FRMPD4: variants seen among roughly 807,000 people sequenced by gnomAD.
FRMPD4 encodes FERM and PDZ domain containing 4.
A neutral mutation model predicts 94.1 loss-of-function variants in FRMPD4; 22 were observed. That is an observed-to-expected ratio of 0.23 (90% CI 0.17 to 0.33). The LOEUF is 0.33. Ranked by LOEUF, FRMPD4 falls within the 10% of genes least tolerant of loss-of-function variation. The pLI, the probability that FRMPD4 is intolerant of heterozygous loss-of-function variation, is 1.00. For missense variants in FRMPD4, 1,111 were observed against 1,339.9 expected, an observed-to-expected ratio of 0.83 and a Z score of 2.67; for synonymous variants, 631 against 548.6, an observed-to-expected ratio of 1.15 and a Z score of -2.10.
At chrX:12,177,748 G>A (rs1277490644) in intron 1 of FRMPD4, among the ~76,000 whole-genome samples, 1 of 112,036 alleles carries the variant, frequency 8.9e-6, no homozygotes, top group African/African-American at 3.2e-5. Flanking sequence ...GTCACTGGAG[G>A]TATAGCAGTG....
At chrX:12,098,270 AAG>A (rs779688069) in intron 3 of FRMPD4, among the ~76,000 whole-genome samples, 546 of 33,733 alleles carry the variant, frequency 0.016, 3 homozygotes, top group African/African-American at 0.045. Flanking sequence ...CAGAAAGAAA[AAG>A]AAAAAAAAAA....
At chrX:12,357,062 A>G (rs1376438979) in intron 1 of FRMPD4, among the ~76,000 whole-genome samples, 2 of 112,001 alleles carry the variant, frequency 1.8e-5, no homozygotes, top group East Asian at 5.6e-4. Flanking sequence ...CCTAACATCC[A>G]TTTCTCCAAT....
chrX:12,026,206 A>G (rs1461010366), intron 3 of FRMPD4, among the ~76,000 whole-genome samples: 1 of 111,783 alleles, frequency 8.9e-6, no homozygotes, highest in East Asian at 2.8e-4. Context: ...TGAGAGAGAA[A>G]TAAGAGGTCT....
chrX:12,696,586 C>CA (rs57877846), intron 9 of FRMPD4, among the ~76,000 whole-genome samples: 1,679 of 30,034 alleles, frequency 0.056, 62 homozygotes, highest in Non-Finnish European at 0.074. Context: ...AAAAATGAAG[C>CA]AAAAAAAAAA....
chrX:12,688,754 T>C (rs1463706867), intron 7 of FRMPD4, among the ~76,000 whole-genome samples: 1 of 109,048 alleles, frequency 9.2e-6, no homozygotes, highest in Non-Finnish European at 1.9e-5. Flanking sequence ...TCTTTTTTTT[T>C]TTTTTTCTTG....
At chrX:12,360,294 T>C (rs746245482) in intron 1 of FRMPD4, among the ~76,000 whole-genome samples, 1 of 111,974 alleles carries the variant, frequency 8.9e-6, no homozygotes, top group Admixed American at 9.5e-5. Context: ...TTAGGAGGCA[T>C]TGAGACCAAA....
chrX:12,302,040 G>T (rs938036098), intron 1 of FRMPD4, among the ~76,000 whole-genome samples: 3 of 112,158 alleles, frequency 2.7e-5, no homozygotes, highest in Non-Finnish European at 5.6e-5. Context: ...GAAGCAGCTG[G>T]AAAGAAGGAA....
At chrX:12,118,450 A>C (rs1173003816) in intron 3 of FRMPD4, among the ~76,000 whole-genome samples, 2 of 112,582 alleles carry the variant, frequency 1.8e-5, no homozygotes, top group Non-Finnish European at 3.7e-5. Flanking sequence ...GCTGGCTGTT[A>C]ACAAACCTAG....
At chrX:12,166,716 C>T (rs1327468463) in intron 1 of FRMPD4, among the ~76,000 whole-genome samples, 1 of 111,339 alleles carries the variant, frequency 9.0e-6, no homozygotes, top group Non-Finnish European at 1.9e-5. Context: ...TTAATTATTG[C>T]CTCAATTTCA....
chrX:11,964,251 C>T (rs1183611760), intron 3 of FRMPD4, among the ~76,000 whole-genome samples: 1 of 109,986 alleles, frequency 9.1e-6, no homozygotes, highest in African/African-American at 3.3e-5. Flanking sequence ...GTTCCGCCTC[C>T]TGGGTTCACG....
At chrX:12,346,625 C>T (rs1193558020) in intron 1 of FRMPD4, among the ~76,000 whole-genome samples, 2 of 111,296 alleles carry the variant, frequency 1.8e-5, no homozygotes, top group Non-Finnish European at 3.8e-5. Context: ...TTTTAGCACC[C>T]CTTACAAATA....
intron 1 of FRMPD4, among the ~76,000 whole-genome samples, chrX:11,843,565 CCTTTTT>C (rs368768787): frequency 1.2e-3 from 136 of 110,576 alleles, no homozygotes; most frequent in African/African-American, 2.8e-3. Context: ...TCTTTTCTTT[CCTTTTT>C]CTTTTTCTTT....
intron 1 of FRMPD4, among the ~76,000 whole-genome samples, chrX:12,476,073 G>C (rs1479991731): frequency 2.7e-5 from 3 of 111,674 alleles, no homozygotes; most frequent in Non-Finnish European, 5.6e-5. Flanking sequence ...ATACTACAAG[G>C]CTACAGTAAC....
intron 3 of FRMPD4, among the ~76,000 whole-genome samples, chrX:11,893,592 G>A (rs1252625646): frequency 8.9e-6 from 1 of 112,047 alleles, no homozygotes; most frequent in Non-Finnish European, 1.9e-5. Context: ...ATATGAACGA[G>A]CACTTTATAT....
intron 1 of FRMPD4, among the ~76,000 whole-genome samples, chrX:12,151,606 A>G (rs1488474247): frequency 2.7e-5 from 3 of 111,989 alleles, no homozygotes; most frequent in Non-Finnish European, 5.6e-5. Context: ...AGATATATAA[A>G]TGTTTGAAAT....
chrX:11,916,730 G>A, intron 3 of FRMPD4, among the ~76,000 whole-genome samples: 1 of 111,640 alleles, frequency 9.0e-6, no homozygotes, highest in Non-Finnish European at 1.9e-5. Context: ...GGTTCTCCCT[G>A]TGGTAGGTTG....
In FRMPD4 at chrX:12,642,292, G is replaced by A. The variant is rs1371891602; in HGVS notation, c.422+27411G>A. Among the ~76,000 whole-genome samples the A allele has an allele frequency of 2.7e-5, 3 of 111,742 alleles. No homozygotes were observed. The East Asian group carries it at 8.4e-4, about 31-fold the overall frequency. ...ACAGGACACTGTAAAGCATAATGAT[G>A]GCATAGGAGTAGAAGATTCAGTAGA... On this transcript the variant is annotated intron_variant, in intron 4 of 16. Transcript: ENST00000675598.
rs370459696 is a variant in FRMPD4 at position 12,716,397 on chromosome X, G to T, written c.1938G>T (p.Pro646=). The T allele has an allele frequency of 8.3e-7, 1 of 1,210,296 alleles. No individual in the cohort carries two copies. Among genetic ancestry groups the T allele is most frequent in the Non-Finnish European group, 1.1e-6 (1 of 894,222 alleles). The change falls in exon 15 of 17, where the codon CCG becomes CCT. Residue 646 remains proline, a synonymous_variant. Transcript: ENST00000675598. ...CTCTGAAGAAAGCACAGGAATCTCC[G>T]AGAGGAGCTAAAGTGTCCTTTATTT... The part of the protein sequence containing the change: ...PETLKKAQES[P]RGAKVSFIFG...
chrX:11,901,106 T>A (rs1447680008), intron 3 of FRMPD4, among the ~76,000 whole-genome samples: 1 of 112,111 alleles, frequency 8.9e-6, no homozygotes, highest in Admixed American at 9.4e-5. Context: ...GTGCTTGTTT[T>A]GATTTATTTC....
Sources: gnomAD v4.1 joint callset for allele counts (sites outside exome capture counted in the v4.1 genomes callset) on GRCh38, gnomAD v4.1.1 for gene constraint, MANE v1.5 for transcripts, NCBI Gene and HGNC (gene_info 2026-07-23, HGNC 2026-07-21) for gene names.